Variants in STXBP4 observed in about 807,000 individuals in gnomAD.
STXBP4 encodes syntaxin binding protein 4, also known as syntaxin-binding protein 4.
A neutral mutation model predicts 76.1 loss-of-function variants in STXBP4; 55 were observed. That is an observed-to-expected ratio of 0.72 (90% CI 0.58 to 0.91). The LOEUF is 0.91. STXBP4 is among the 40% of genes least tolerant of loss of function. STXBP4 has a pLI of 0.00. For missense variants in STXBP4, 618 were observed against 636.9 expected, an observed-to-expected ratio of 0.97 and a Z score of 0.32; for synonymous variants, 201 against 220.2, an observed-to-expected ratio of 0.91 and a Z score of 0.77.
At chr17:55,054,382 G>A (rs1026435856) in intron 12 of STXBP4, among the ~76,000 whole-genome samples, 1 of 152,176 alleles carries the variant, frequency 6.6e-6, no homozygotes, top group South Asian at 2.1e-4. Flanking sequence ...CCAGCTACTC[G>A]GAAGGCTGAG....
At chr17:55,207,710 C>T in the STXBP4 span, among the ~76,000 whole-genome samples, 1 of 152,174 alleles carries the variant, frequency 6.6e-6, no homozygotes, top group East Asian at 1.9e-4. Context: ...AAATTTAATG[C>T]GTTGACTGCA....
Position 55,162,993 on chromosome 17 carries a change from C to T in STXBP4, c.*3082C>T, listed in dbSNP as rs931560758. The T allele has an allele frequency of 3.9e-5, 6 of 152,172 alleles. No individual in the cohort carries two copies. The highest frequency in any genetic ancestry group is 1.4e-4 in the African/African-American group (6 of 41,438). 9.4% of individuals were successfully genotyped at this position (152,172 alleles called of 1,614,324 possible). A position where few individuals can be genotyped will look rare whatever the true frequency, so the allele number is the denominator to read the frequency against. On this transcript the variant is annotated 3_prime_UTR_variant, in exon 18 of 18. Transcript: ENST00000376352. ...TATATATTCATTAAATCCTTTTCCT[C>T]ATGTATCTTTGCACTCTTGTGCTAG...
At chr17:55,153,941 A>G (rs1336922658) in intron 17 of STXBP4, among the ~76,000 whole-genome samples, 1 of 152,186 alleles carries the variant, frequency 6.6e-6, no homozygotes, top group African/African-American at 2.4e-5. Context: ...AGTTGTTCAT[A>G]TATTTATTGA....
At chr17:55,190,285 A>G in the STXBP4 span, among the ~76,000 whole-genome samples, 3 of 152,226 alleles carry the variant, frequency 2.0e-5, no homozygotes, top group Admixed American at 6.5e-5. Context: ...AAAGATATTC[A>G]TTAAATGTCT....
At chr17:55,140,703 T>C (rs191543453) in intron 16 of STXBP4, among the ~76,000 whole-genome samples, 6 of 152,252 alleles carry the variant, frequency 3.9e-5, no homozygotes, top group Admixed American at 2.6e-4. Context: ...TCAATCCCAT[T>C]ACAGAAATGG....
chr17:55,132,819 G>A (rs1420117686), intron 16 of STXBP4, among the ~76,000 whole-genome samples: 1 of 152,096 alleles, frequency 6.6e-6, no homozygotes, highest in Non-Finnish European at 1.5e-5. Flanking sequence ...CTGATTGAAC[G>A]ACACTGAGCA....
the STXBP4 span, among the ~76,000 whole-genome samples, chr17:55,187,887 A>G: frequency 6.6e-6 from 1 of 152,246 alleles, no homozygotes; most frequent in Non-Finnish European, 1.5e-5. Flanking sequence ...TTGCTCTGAC[A>G]GAAGAGCCCA....
chr17:55,177,877 A>G (rs1032022227), downstream of STXBP4, among the ~76,000 whole-genome samples: 1 of 152,214 alleles, frequency 6.6e-6, no homozygotes, highest in African/African-American at 2.4e-5. Context: ...CCTTTTGGGA[A>G]ACAAAGCACC....
Position 55,166,531 on chromosome 17 carries a change from T to C in STXBP4, c.*6620T>C, listed in dbSNP as rs1197104077. ...ACCAACAGTTGCTCAGATATACTGTTTTCTGTCTAGGAAACTTCTCTTGCC... is the reference window on the plus strand; with the variant it reads ...ACCAACAGTTGCTCAGATATACTGTCTTCTGTCTAGGAAACTTCTCTTGCC... On this transcript the variant is annotated 3_prime_UTR_variant, in exon 18 of 18. Transcript: ENST00000376352. 3 of 152,230 alleles carry C rather than the reference T, an allele frequency of 2.0e-5. No homozygotes were observed. The highest frequency in any genetic ancestry group is 2.9e-5 in the Non-Finnish European group (2 of 68,060). 9.4% of individuals were successfully genotyped at this position (152,230 alleles called of 1,614,324 possible).
At chr17:55,152,836 A>G (rs2080231344) in intron 17 of STXBP4, among the ~76,000 whole-genome samples, 1 of 152,170 alleles carries the variant, frequency 6.6e-6, no homozygotes, top group Admixed American at 6.5e-5. Flanking sequence ...TTTAAAATAT[A>G]TATATAATAG....
Position 54,985,710 on chromosome 17 carries a change from A to G in STXBP4, c.-79+19A>G, listed in dbSNP as rs993535413. The G allele has an allele frequency of 1.3e-5, 2 of 152,464 alleles. No homozygotes were observed. The highest frequency in any genetic ancestry group is 2.9e-5 in the Non-Finnish European group (2 of 68,228). 9.4% of individuals were successfully genotyped at this position (152,464 alleles called of 1,614,324 possible). A position where few individuals can be genotyped will look rare whatever the true frequency, so the allele number is the denominator to read the frequency against. ...ATAGTTGGTAAGATAATAAGAATTTAGTTTTTTTCAAATGCATTGCATAAT... is the reference window on the plus strand; with the variant it reads ...ATAGTTGGTAAGATAATAAGAATTTGGTTTTTTTCAAATGCATTGCATAAT... On this transcript the variant is annotated intron_variant, in intron 2 of 17. Coordinates refer to ENST00000376352, the MANE Select transcript of STXBP4 (RefSeq NM_178509.6).
intron 1 of STXBP4, among the ~76,000 whole-genome samples, chr17:54,980,307 A>C (rs1301937254): frequency 6.6e-6 from 1 of 152,174 alleles, no homozygotes; most frequent in Non-Finnish European, 1.5e-5. Flanking sequence ...TTAAATTAAC[A>C]ATAAAAAAAA....
In STXBP4 at chr17:55,069,942, C is replaced by CT. The variant is rs532208049; in HGVS notation, c.1012-2947dup. 5.6e-3 allele frequency among the ~76,000 whole-genome samples: 812 copies of CT among 145,462 alleles called. 13 individuals carry two copies. Among genetic ancestry groups the CT allele is most frequent in the East Asian group, 0.026 (130 of 5,004 alleles). On this transcript the variant is annotated intron_variant, in intron 12 of 17. Transcript: ENST00000376352. ...ATTTCCTGCCCTTTCTCTTTAGAGTCTTTTTTTTTTTAGATTGATTGAATG... is the reference window on the plus strand; with the variant it reads ...ATTTCCTGCCCTTTCTCTTTAGAGTCTTTTTTTTTTTTAGATTGATTGAATG...
intron 1 of STXBP4, among the ~76,000 whole-genome samples, chr17:54,973,926 T>C (rs183042103): frequency 7.9e-5 from 12 of 152,366 alleles, no homozygotes; most frequent in African/African-American, 2.9e-4. Context: ...CAATTTTATA[T>C]ATTAGGTAAA....
chr17:54,970,404 G>A (rs556182358), intron 1 of STXBP4, among the ~76,000 whole-genome samples: 2 of 152,222 alleles, frequency 1.3e-5, no homozygotes, highest in Admixed American at 6.5e-5. Context: ...AGTGATGATG[G>A]TCACCTTGAG....
intron 13 of STXBP4, among the ~76,000 whole-genome samples, chr17:55,077,150 G>C (rs1359245445): frequency 6.6e-6 from 1 of 151,924 alleles, no homozygotes; most frequent in Non-Finnish European, 1.5e-5. Flanking sequence ...ATTTCCTTCA[G>C]TTAGCTTTCA....
intron 8 of STXBP4, among the ~76,000 whole-genome samples, chr17:55,028,950 C>G (rs529277027): frequency 6.8e-4 from 103 of 152,068 alleles, no homozygotes; most frequent in African/African-American, 2.4e-3. Flanking sequence ...ATAAAATTGA[C>G]CATATGTCCC....
At chr17:55,206,723 G>C in the STXBP4 span, among the ~76,000 whole-genome samples, 6 of 151,924 alleles carry the variant, frequency 3.9e-5, no homozygotes, top group African/African-American at 1.2e-4. Flanking sequence ...CAGGTGTGGT[G>C]GTGGGTGACT....
chr17:55,190,609 C>T, the STXBP4 span, among the ~76,000 whole-genome samples: 3 of 152,082 alleles, frequency 2.0e-5, no homozygotes, highest in Non-Finnish European at 4.4e-5. Flanking sequence ...CAAATAATAT[C>T]ATAAATAAAG....
Sources: gnomAD v4.1 joint callset for allele counts (sites outside exome capture counted in the v4.1 genomes callset) on GRCh38, gnomAD v4.1.1 for gene constraint, MANE v1.5 for transcripts, NCBI Gene and HGNC (gene_info 2026-07-23, HGNC 2026-07-21) for gene names.